The following NAALADL2 variants were observed in gnomAD, a reference collection of about 807,000 sequenced individuals.
NAALADL2 encodes N-acetylated alpha-linked acidic dipeptidase like 2.
In NAALADL2, 76 loss-of-function variants were observed where a neutral mutation model predicts 87.2. The ratio of observed to expected loss-of-function variants is 0.87; its 90% confidence interval spans 0.72 to 1.05. NAALADL2 has a LOEUF of 1.05. NAALADL2 is among the 50% of genes least tolerant of loss of function. The pLI, the probability that NAALADL2 is intolerant of heterozygous loss-of-function variation, is 0.00. For synonymous variants in NAALADL2, 354 were observed against 331.0 expected, an observed-to-expected ratio of 1.07 and a Z score of -0.75; for missense variants, 1,089 against 945.8, an observed-to-expected ratio of 1.15 and a Z score of -1.99.
intron 1 of NAALADL2, among the ~76,000 whole-genome samples, chr3:174,996,438 A>G (rs553120711): frequency 6.6e-6 from 1 of 151,790 alleles, no homozygotes; most frequent in East Asian, 2.0e-4. Context: ...CTGAGCTTGC[A>G]GTGAGCCGAG....
intron 11 of NAALADL2, among the ~76,000 whole-genome samples, chr3:175,716,938 A>G (rs952625698): frequency 6.6e-6 from 1 of 152,152 alleles, no homozygotes; most frequent in African/African-American, 2.4e-5. Context: ...GCATGACTGG[A>G]AAAAGAAAGG....
At chr3:175,608,677 T>A (rs1724130863) in intron 10 of NAALADL2, among the ~76,000 whole-genome samples, 1 of 152,058 alleles carries the variant, frequency 6.6e-6, no homozygotes, top group Non-Finnish European at 1.5e-5. Context: ...CTTTTAGATA[T>A]AAGTTGATTT....
intron 1 of NAALADL2, among the ~76,000 whole-genome samples, chr3:174,900,908 T>C (rs1307723029): frequency 1.3e-5 from 2 of 152,086 alleles, no homozygotes; most frequent in African/African-American, 4.8e-5. Context: ...TTGTCATGAC[T>C]CTTTAACCTA....
At chr3:175,209,264 G>T (rs1741416327) in intron 2 of NAALADL2, among the ~76,000 whole-genome samples, 1 of 152,078 alleles carries the variant, frequency 6.6e-6, no homozygotes, top group Admixed American at 6.6e-5. Context: ...AAAAGATATT[G>T]CTGAAGATAA....
chr3:175,670,448 A>T (rs1028113661), intron 11 of NAALADL2, among the ~76,000 whole-genome samples: 21 of 147,514 alleles, frequency 1.4e-4, no homozygotes, highest in African/African-American at 3.2e-4. Flanking sequence ...AATTTATATT[A>T]AATGTAAATT....
chr3:174,544,553 T>A lies in NAALADL2; in HGVS notation c.-183-6016T>A, dbSNP rs867089638. Among the ~76,000 whole-genome samples the A allele has an allele frequency of 7.8e-4, 115 of 146,564 alleles. 2 individuals carry two copies. In the Middle Eastern group the frequency reaches 0.018, roughly 23 times the overall value. Reference sequence around the variant, plus strand: ...TAATCTTTTAATTTTCTTTGTTTCCTTTTTTTTTGTTTTCTTTTTTTTTTT... The same window carrying A: ...TAATCTTTTAATTTTCTTTGTTTCCATTTTTTTTGTTTTCTTTTTTTTTTT... On this transcript the variant is annotated intron_variant, in intron 1 of 3. Coordinates refer to the NAALADL2 transcript ENST00000434257.
chr3:175,123,610 G>A (rs988044867), intron 2 of NAALADL2, among the ~76,000 whole-genome samples: 2 of 151,794 alleles, frequency 1.3e-5, no homozygotes, highest in Non-Finnish European at 2.9e-5. Context: ...TTGTCTAGAT[G>A]CACCCTACCG....
intron 2 of NAALADL2, among the ~76,000 whole-genome samples, chr3:174,599,937 A>G (rs1294375621): frequency 6.6e-6 from 1 of 152,130 alleles, no homozygotes; most frequent in Non-Finnish European, 1.5e-5. Context: ...GAAGACAAAT[A>G]AGGAAAGAAA....
chr3:175,480,965 A>T (rs1447134740), intron 9 of NAALADL2, among the ~76,000 whole-genome samples: 1 of 151,932 alleles, frequency 6.6e-6, no homozygotes. Context: ...ATAATTCGTC[A>T]CCTATAATTT....
chr3:175,693,857 C>G (rs1239674584), intron 11 of NAALADL2, among the ~76,000 whole-genome samples: 1 of 152,090 alleles, frequency 6.6e-6, no homozygotes, highest in Admixed American at 6.6e-5. Context: ...CACCACCATG[C>G]CCAGCTAATT....
At chr3:174,789,780 C>T (rs1019634772) in intron 3 of NAALADL2, among the ~76,000 whole-genome samples, 9 of 152,176 alleles carry the variant, frequency 5.9e-5, no homozygotes, top group African/African-American at 1.9e-4. Context: ...TAGCAACCAG[C>T]AATGGCTAAG....
chr3:174,624,351 C>T (rs1328608213), intron 2 of NAALADL2, among the ~76,000 whole-genome samples: 2 of 152,036 alleles, frequency 1.3e-5, no homozygotes, highest in African/African-American at 2.4e-5. Context: ...GGGCCGGGCG[C>T]GGTGGCTCAC....
chr3:175,453,354 C>T (rs899403422), intron 6 of NAALADL2, among the ~76,000 whole-genome samples: 1 of 152,088 alleles, frequency 6.6e-6, no homozygotes, highest in African/African-American at 2.4e-5. Flanking sequence ...TCTGCTATTC[C>T]TTGCAAGTAT....
intron 2 of NAALADL2, among the ~76,000 whole-genome samples, chr3:175,177,106 T>A (rs1735799707): frequency 6.6e-6 from 1 of 152,134 alleles, no homozygotes; most frequent in Non-Finnish European, 1.5e-5. Context: ...GAAAGAACCA[T>A]TTCCTTCCTC....
chr3:175,326,465 C>G (rs1760716047), intron 5 of NAALADL2, among the ~76,000 whole-genome samples: 1 of 152,160 alleles, frequency 6.6e-6, no homozygotes, highest in Non-Finnish European at 1.5e-5. Context: ...GTTCTTCCAG[C>G]CTTTACCCAT....
intron 1 of NAALADL2, among the ~76,000 whole-genome samples, chr3:175,011,410 C>T (rs1390977058): frequency 2.0e-5 from 3 of 152,058 alleles, no homozygotes; most frequent in Non-Finnish European, 4.4e-5. Context: ...GGACCACTTT[C>T]CATGTAAAAA....
intron 1 of NAALADL2, among the ~76,000 whole-genome samples, chr3:174,445,971 A>G (rs1325963582): frequency 6.6e-6 from 1 of 152,182 alleles, no homozygotes; most frequent in African/African-American, 2.4e-5. Context: ...CCTGAAATCA[A>G]GGTTTTCTGT....
intron 2 of NAALADL2, among the ~76,000 whole-genome samples, chr3:175,206,906 T>C (rs974268611): frequency 1.3e-5 from 2 of 152,072 alleles, no homozygotes; most frequent in Admixed American, 6.6e-5. Flanking sequence ...TCTTTAAAGA[T>C]TGAACTCATG....
chr3:174,674,129 G>T (rs1036805141), intron 2 of NAALADL2, among the ~76,000 whole-genome samples: 7 of 151,980 alleles, frequency 4.6e-5, no homozygotes, highest in African/African-American at 1.5e-4. Flanking sequence ...GGAAGGAGAA[G>T]AGGGAACAGA....
Sources: gnomAD v4.1 joint callset for allele counts (sites outside exome capture counted in the v4.1 genomes callset) on GRCh38, gnomAD v4.1.1 for gene constraint, MANE v1.5 for transcripts, NCBI Gene and HGNC (gene_info 2026-07-23, HGNC 2026-07-21) for gene names.